The following GPR75 variants were observed in gnomAD, a reference collection of about 807,000 sequenced individuals.
GPR75 encodes the protein G protein-coupled receptor 75.
GPR75 carries 27 observed loss-of-function variants against 26.0 expected under a neutral mutation model. The ratio of observed to expected loss-of-function variants is 1.04; its 90% CI spans 0.77 to 1.43. The LOEUF is 1.43. Among genes scored for constraint, GPR75 ranks in the 40% most tolerant of loss-of-function variants. The probability of loss-of-function intolerance (pLI) is 0.00; values close to 1 mark genes in which losing one functional copy is unlikely to be tolerated. For synonymous variants in GPR75, 285 were observed against 256.3 expected (o/e 1.11, Z -1.07); for missense variants, 699 against 662.3 (o/e 1.06, Z -0.61).
At chr2:53,857,337 A>G (rs533931890) in intron 1 of GPR75, among the ~76,000 whole-genome samples, 1 of 152,260 alleles carries the variant, frequency 6.6e-6, no homozygotes, top group South Asian at 2.1e-4. Flanking sequence ...TGAAAAGGGA[A>G]GTAGAAGAGA....
rs1252664230 is a variant in GPR75 at position 53,853,678 on chromosome 2, A to T, written c.1079T>A (p.Phe360Tyr). ...GSFILYQFEL[F>Y]GFTLIFFKSG... is the part of the protein sequence containing the mutation. ...CTTGAAAAATATAAGAGTAAATCCA[A>T]ACAATTCAAACTGGTAAAGAATGAA... Residue 360 changes from phenylalanine to tyrosine, a missense_variant, in exon 2 of 2, where the codon TTT (phenylalanine) becomes TAT (tyrosine). Phe to Tyr is a conservative substitution (Grantham distance 22, BLOSUM62 3). Coordinates refer to ENST00000394705, the MANE Select transcript of GPR75 (RefSeq NM_006794.4). 6.2e-7 allele frequency: 1 copy of T among 1,613,862 alleles called. No individual in the cohort carries two copies. The highest frequency in any genetic ancestry group is 1.6e-4 in the Middle Eastern group (1 of 6,062).
In GPR75 at chr2:53,853,647, T is replaced by C; in HGVS notation, c.1110A>G (p.Gly370=). 1 of 1,614,114 alleles carries C rather than the reference T, an allele frequency of 6.2e-7. No individual in the cohort carries two copies. Among genetic ancestry groups the C allele is most frequent in the Non-Finnish European group, 8.5e-7 (1 of 1,179,968 alleles). Residue 370 remains glycine, a synonymous_variant, in exon 2 of 2, where the codon GGA becomes GGG. Transcript: ENST00000394705. ...TCCGAGAATATATAAAAGGGTTTAA[T>C]CCTGACTTGAAAAATATAAGAGTAA... The part of the protein sequence containing the change: ...FGFTLIFFKS[G]LNPFIYSRNS...
Position 53,853,435 on chromosome 2 carries a change from A to G in GPR75, c.1322T>C (p.Phe441Ser), listed in dbSNP as rs199572769. Residue 441 changes from phenylalanine to serine, a missense_variant, in exon 2 of 2, where the codon TTT becomes TCT. Coordinates refer to ENST00000394705, the MANE Select transcript of GPR75 (RefSeq NM_006794.4). ...ACTTGGGCCACAAGCCTGGTCCACA[A>G]ATTTCTTCTGTGGCTTTGGAGATAA... ...YMLSPKPQKK[F>S]VDQACGPSHS... The G allele has an allele frequency of 1.9e-4, 302 of 1,614,058 alleles. 1 individual carries two copies. The highest frequency in any genetic ancestry group is 2.4e-4 in the Non-Finnish European group (282 of 1,179,982).
At chr2:53,859,784 G>A (rs1573164903) in intron 1 of GPR75, 44 bp downstream of exon 1, 1 of 1,447,430 alleles carries the variant, frequency 6.9e-7, no homozygotes, top group Non-Finnish European at 9.3e-7. Flanking sequence ...AGCCGTCTCC[G>A]GCATCGTGGG....
chr2:53,853,403 T>A lies in GPR75; in HGVS notation c.1354A>T (p.Lys452Ter). 1 of 1,614,180 alleles carries A rather than the reference T, an allele frequency of 6.2e-7. No homozygotes were observed. The highest frequency in any genetic ancestry group is 2.2e-5 in the East Asian group (1 of 44,880). Reference protein sequence around the residue: ...VDQACGPSHSKESMVSPKISA... With the variant: ...VDQACGPSHS ...ATCTTGGGACTCACCATACTTTCTT[T>A]TGAATGACTTGGGCCACAAGCCTGG... Residue 452 changes from lysine to a stop codon, truncating the protein, a stop_gained, in exon 2 of 2, where the codon AAA (lysine) becomes TAA (stop). Transcript: ENST00000394705. LOFTEE classifies it high-confidence loss of function.
intron 1 of GPR75, among the ~76,000 whole-genome samples, chr2:53,856,929 A>G (rs1678241284): frequency 7.1e-6 from 1 of 140,192 alleles, no homozygotes. Context: ...TTTGATACCT[A>G]TATAATGAGA....
Position 53,854,570 on chromosome 2 carries a change from C to A in GPR75, c.187G>T (p.Val63Phe), listed in dbSNP as rs749208259. 1 of 1,614,028 alleles carries A rather than the reference C, an allele frequency of 6.2e-7. No individual in the cohort carries two copies. The change falls in exon 2 of 2, where the codon GTC becomes TTC. Residue 63 changes from valine (V) to phenylalanine (F), a missense_variant. Coordinates refer to ENST00000394705, the MANE Select transcript of GPR75 (RefSeq NM_006794.4). ...GCTGGATCGAAGAAGGACAAGAAGA[C>A]AATGAAGTTGCCATAGGAACCCAGG... Reference protein sequence around the residue: ...FCLGSYGNFIVFLSFFDPAFR... With the variant: ...FCLGSYGNFIFFLSFFDPAFR...
At position 53,854,814 on chromosome 2, in the gene GPR75, C is replaced by T. The variant is rs1210370013; in HGVS notation, c.-58G>A. 7.3e-7 allele frequency: 1 copy of T among 1,378,606 alleles called. No homozygotes were observed. Among genetic ancestry groups the T allele is most frequent in the East Asian group, 2.3e-5 (1 of 43,688 alleles). 85.4% of individuals were successfully genotyped at this position (1,378,606 alleles called of 1,614,324 possible). A position where few individuals can be genotyped will look rare whatever the true frequency, so the allele number is the denominator to read the frequency against. On this transcript the variant is annotated 5_prime_UTR_variant, in exon 2 of 2. Transcript: ENST00000394705. ...CCAAAAATACTCAGTGAGTCAGGGC[C>T]TCAGCTCACAGATGAGCAATATGTG... is the stretch of plus-strand genomic sequence containing the variant.
intron 1 of GPR75, among the ~76,000 whole-genome samples, chr2:53,856,276 A>T (rs6545373): frequency 0.32 from 48,300 of 152,080 alleles, 8,833 homozygotes; most frequent in East Asian, 0.56. Flanking sequence ...AAGTCCTGCA[A>T]GGGTTGGTGC....
Position 53,859,832 on chromosome 2 carries a change from C to T in GPR75, c.-114G>A. 1 of 1,530,332 alleles carries T rather than the reference C, an allele frequency of 6.5e-7. No homozygotes were observed. Among genetic ancestry groups the T allele is most frequent in the Non-Finnish European group, 8.7e-7 (1 of 1,142,990 alleles). The allele number at this position is 1,530,332 out of a possible 1,614,324, so 94.8% of individuals were successfully genotyped here. ...CAGGGGCCCGCGGCCTCTCACCTGC[C>T]GGGTGGCCGCAGCGCCGCCCCTCCT... is the stretch of plus-strand genomic sequence containing the variant. On this transcript the variant is annotated 5_prime_UTR_variant, in exon 1 of 2. Coordinates refer to ENST00000394705, the MANE Select transcript of GPR75 (RefSeq NM_006794.4).
chr2:53,857,094 G>A (rs1235033935), intron 1 of GPR75, among the ~76,000 whole-genome samples: 1 of 150,158 alleles, frequency 6.7e-6, no homozygotes, highest in Non-Finnish European at 1.5e-5. Flanking sequence ...CTCCCGAGTA[G>A]CTGGGACTAC....
Position 53,859,955 on chromosome 2 carries a change from G to C in GPR75, c.-237C>G. The C allele has an allele frequency of 6.8e-7, 1 of 1,481,106 alleles. No homozygotes were observed. Among genetic ancestry groups the C allele is most frequent in the Non-Finnish European group, 8.9e-7 (1 of 1,119,094 alleles). The allele number at this position is 1,481,106 out of a possible 1,614,324, so 91.7% of individuals were successfully genotyped here. A position where few individuals can be genotyped will look rare whatever the true frequency, so the allele number is the denominator to read the frequency against. On this transcript the variant is annotated 5_prime_UTR_variant, in exon 1 of 2. Transcript: ENST00000394705. Reference sequence around the variant, plus strand: ...GCCACCGCCTCCGCGCATCCCGGGAGCCGCGGCAAGACGCGGGCGCAGAGG... The same window carrying C: ...GCCACCGCCTCCGCGCATCCCGGGACCCGCGGCAAGACGCGGGCGCAGAGG...
At position 53,853,061 on chromosome 2, in the gene GPR75, C is replaced by T; in HGVS notation, c.*73G>A. On this transcript the variant is annotated 3_prime_UTR_variant, in exon 2 of 2. Transcript: ENST00000394705. ...TTGTAGGTTTTGATCCGCCACTGAT[C>T]TCAAGTTAGAATAAAGTCCATTACT... is the stretch of plus-strand genomic sequence containing the variant. The T allele has an allele frequency of 8.8e-7, 1 of 1,141,860 alleles. No homozygotes were observed. Among genetic ancestry groups the T allele is most frequent in the Non-Finnish European group, 1.3e-6 (1 of 795,284 alleles). The allele number at this position is 1,141,860 out of a possible 1,614,324, so 70.7% of individuals were successfully genotyped here.
At position 53,857,366 on chromosome 2, in the gene GPR75, G is replaced by A. The variant is rs567735863; in HGVS notation, c.-110+2462C>T. 3.5e-4 allele frequency among the ~76,000 whole-genome samples: 53 copies of A among 152,248 alleles called. No individual in the cohort carries two copies. The South Asian group carries it at 4.8e-3, about 14-fold the overall frequency. ...GAAGAGAAAACAATTTGAGGAGGCAGGAAGAGCAGGGAGGTGATACTGGTG... is the reference window on the plus strand; with the variant it reads ...GAAGAGAAAACAATTTGAGGAGGCAAGAAGAGCAGGGAGGTGATACTGGTG... On this transcript the variant is annotated intron_variant, in intron 1 of 1. Coordinates refer to ENST00000394705, the MANE Select transcript of GPR75 (RefSeq NM_006794.4).
At chr2:53,859,355 C>T (rs1377393604) in intron 1 of GPR75, among the ~76,000 whole-genome samples, 1 of 152,002 alleles carries the variant, frequency 6.6e-6, no homozygotes, top group Non-Finnish European at 1.5e-5. Flanking sequence ...ACATTGAACC[C>T]GGAGCAGCTA....
chr2:53,858,402 GACACACACACACACACACAC>G (rs61090357), intron 1 of GPR75, among the ~76,000 whole-genome samples: 64 of 145,138 alleles, frequency 4.4e-4, no homozygotes, highest in Non-Finnish European at 8.2e-4. Context: ...GATACAGATA[GACACACACACACACACACAC>G]ACACACACAC....
Position 53,853,245 on chromosome 2 carries a change from GT to G in GPR75, c.1511del (p.Asn504ThrfsTer20), listed in dbSNP as rs1044118080. The G allele has an allele frequency of 6.2e-7, 1 of 1,614,094 alleles. No individual in the cohort carries two copies. The highest frequency in any genetic ancestry group is 8.5e-7 in the Non-Finnish European group (1 of 1,179,964). On this transcript the variant is annotated frameshift_variant, in exon 2 of 2. Transcript: ENST00000394705. LOFTEE classifies it high-confidence loss of function. ...ESSPCNLQPV[N>X]SFGFANSYIA... ...TATATGAATTGGCAAATCCAAAAGA[GT>G]TTACTGGCTGTAAGTTACATGGGCT...
intron 1 of GPR75, among the ~76,000 whole-genome samples, chr2:53,856,649 T>A (rs1450792404): frequency 2.6e-5 from 4 of 152,248 alleles, no homozygotes; most frequent in Non-Finnish European, 5.9e-5. Context: ...ATACCAGTCC[T>A]GGGAAATCCA....
chr2:53,853,838 A>G lies in GPR75; in HGVS notation c.919T>C (p.Ser307Pro). ...TPAASRLQLV[S>P]AINLSTAKDS... ...TTGGCAGTGGAGAGGTTGATGGCTG[A>G]TACGAGCTGGAGTCGGCTTGCTGCA... The change falls in exon 2 of 2, where the codon TCA becomes CCA. Residue 307 changes from serine to proline, a missense_variant. Transcript: ENST00000394705. 1.2e-6 allele frequency: 2 copies of G among 1,614,148 alleles called. No homozygotes were observed. The highest frequency in any genetic ancestry group is 1.7e-6 in the Non-Finnish European group (2 of 1,180,030).
Sources: allele counts gnomAD v4.1 joint callset (sites outside exome capture counted in the v4.1 genomes callset), GRCh38; gene constraint gnomAD v4.1.1; transcripts MANE v1.5; gene names NCBI Gene and HGNC (gene_info 2026-07-23, HGNC 2026-07-21).